Variants in GABRB2 observed in about 807,000 individuals in gnomAD.
GABRB2 encodes the protein gamma-aminobutyric acid receptor subunit beta-2.
GABRB2 carries 16 observed loss-of-function variants against 54.7 expected under a neutral mutation model. The ratio of observed to expected loss-of-function variants is 0.29; its 90% confidence interval spans 0.20 to 0.44. GABRB2 has a LOEUF of 0.44. Ranked by LOEUF, GABRB2 falls within the 20% of genes least tolerant of loss-of-function variation. The probability of loss-of-function intolerance (pLI) is 1.00; values close to 1 mark genes in which losing one functional copy is unlikely to be tolerated. For missense variants in GABRB2, 355 were observed against 644.0 expected (o/e 0.55, Z 4.86); for synonymous variants, 244 against 233.8 (o/e 1.04, Z -0.40).
intron 9 of GABRB2, among the ~76,000 whole-genome samples, chr5:161,299,342 C>T (rs540305301): frequency 6.6e-6 from 1 of 152,242 alleles, no homozygotes; most frequent in Non-Finnish European, 1.5e-5. Context: ...GGGCTCATGC[C>T]TTTTCTGAGC....
chr5:161,537,206 T>C (rs1760665076), intron 3 of GABRB2, among the ~76,000 whole-genome samples: 2 of 152,212 alleles, frequency 1.3e-5, no homozygotes, highest in South Asian at 2.1e-4. Context: ...CTATCTAAAA[T>C]ACGGGGCTCA....
rs898928697 is a variant in GABRB2 at position 161,415,805 on chromosome 5, G to T, written c.459-4748C>A. 1.8e-4 allele frequency among the ~76,000 whole-genome samples: 28 copies of T among 152,034 alleles called. 1 individual carries two copies. The highest frequency in any genetic ancestry group is 6.8e-4 in the African/African-American group (28 of 41,408). Reference sequence around the variant, plus strand: ...TTTTTGTATTTTTAGTAGAGATGGGGTTTCGCTATGTTGGCCAACCTGGTC... The same window carrying T: ...TTTTTGTATTTTTAGTAGAGATGGGTTTTCGCTATGTTGGCCAACCTGGTC... On this transcript the variant is annotated intron_variant, in intron 4 of 9. Coordinates refer to ENST00000393959, the MANE Select transcript of GABRB2 (RefSeq NM_001371727.1).
chr5:161,521,774 C>A (rs961812294), intron 3 of GABRB2, among the ~76,000 whole-genome samples: 4 of 151,874 alleles, frequency 2.6e-5, no homozygotes, highest in African/African-American at 4.8e-5. Context: ...CATATCTAAA[C>A]CAACTTATGG....
chr5:161,335,014 G>C, intron 6 of GABRB2, 110 bp from the exon 7 acceptor site: 2 of 1,063,374 alleles, frequency 1.9e-6, no homozygotes, highest in Non-Finnish European at 2.7e-6. Context: ...TTAGCTCTTA[G>C]TGAAGGACAC....
chr5:161,394,649 C>T lies in GABRB2; in HGVS notation c.541+16326G>A, dbSNP rs78352295. On this transcript the variant is annotated intron_variant, in intron 5 of 9. Coordinates refer to ENST00000393959, the MANE Select transcript of GABRB2 (RefSeq NM_001371727.1). Reference sequence around the variant, plus strand: ...AATGTACTAAACTAAATATGACATACGAAGAAACAGAAAGTCTGATCTTTT... The same window carrying T: ...AATGTACTAAACTAAATATGACATATGAAGAAACAGAAAGTCTGATCTTTT... Among the ~76,000 whole-genome samples, 812 of 151,958 alleles carry T rather than the reference C, an allele frequency of 5.3e-3. 6 individuals are homozygous for T. Among genetic ancestry groups the T allele is most frequent in the African/African-American group, 0.017 (703 of 41,492 alleles).
chr5:161,352,651 T>C (rs1754510282), intron 5 of GABRB2, among the ~76,000 whole-genome samples: 1 of 152,024 alleles, frequency 6.6e-6, no homozygotes, highest in East Asian at 1.9e-4. Flanking sequence ...GTAGCTATAG[T>C]TAATAACAAA....
rs1756501088 is a variant in GABRB2 at position 161,410,967 on chromosome 5, C to T, written c.541+8G>A. On this transcript the variant is annotated splice_region_variant and intron_variant, in intron 5 of 9. Coordinates refer to ENST00000393959, the MANE Select transcript of GABRB2 (RefSeq NM_001371727.1). ...GTCCAGTCTAGCTGGATTCTCAGAA[C>T]GACTTACAGCTCTCAATTTCCAAGG... is the stretch of plus-strand genomic sequence containing the variant. The T allele has an allele frequency of 4.4e-6, 7 of 1,608,688 alleles. No individual in the cohort carries two copies. Among genetic ancestry groups the T allele is most frequent in the East Asian group, 4.5e-5 (2 of 44,834 alleles).
At chr5:161,481,352 C>G (rs1337909814) in intron 3 of GABRB2, among the ~76,000 whole-genome samples, 1 of 152,026 alleles carries the variant, frequency 6.6e-6, no homozygotes, top group Non-Finnish European at 1.5e-5. Flanking sequence ...TCAGTACTTT[C>G]TCTTCAATAG....
chr5:161,313,386 G>A (rs72813508), intron 9 of GABRB2, among the ~76,000 whole-genome samples: 7,776 of 151,746 alleles, frequency 0.051, 331 homozygotes, highest in Middle Eastern at 0.068. Context: ...GTTTTTTTCA[G>A]ATGGAATGTA....
intron 3 of GABRB2, among the ~76,000 whole-genome samples, chr5:161,538,407 G>T (rs191072712): frequency 6.6e-6 from 1 of 152,188 alleles, no homozygotes; most frequent in African/African-American, 2.4e-5. Flanking sequence ...AACAAGTGAC[G>T]AAGGAACTTA....
intron 9 of GABRB2, among the ~76,000 whole-genome samples, chr5:161,314,291 G>A (rs1407462039): frequency 1.3e-5 from 2 of 152,214 alleles, no homozygotes; most frequent in African/African-American, 4.8e-5. Flanking sequence ...TCTGACTCAA[G>A]GCAGCATGCC....
At chr5:161,346,084 A>C (rs1484966802) in intron 5 of GABRB2, among the ~76,000 whole-genome samples, 1 of 152,140 alleles carries the variant, frequency 6.6e-6, no homozygotes, top group African/African-American at 2.4e-5. Flanking sequence ...GAGTCATCAA[A>C]AGAAAGGCAA....
chr5:161,311,848 G>A (rs985513573), intron 9 of GABRB2, among the ~76,000 whole-genome samples: 12 of 152,152 alleles, frequency 7.9e-5, no homozygotes, highest in East Asian at 1.9e-4. Context: ...GAAGAAGCAC[G>A]GGGCTAGATA....
In GABRB2 at chr5:161,518,463, A is replaced by T. The variant is rs145823690; in HGVS notation, c.237+26764T>A. Among the ~76,000 whole-genome samples the T allele has an allele frequency of 4.7e-4, 72 of 152,330 alleles. 1 individual carries two copies. The East Asian group carries it at 0.014, about 29-fold the overall frequency. On this transcript the variant is annotated intron_variant, in intron 3 of 9. Coordinates refer to ENST00000393959, the MANE Select transcript of GABRB2 (RefSeq NM_001371727.1). The stretch of plus-strand genomic sequence containing the variant: ...GTAATGTTTCTAATAGTAAATTAAA[A>T]TCTTCTGAATGTCCTTGACTTTTGT...
chr5:161,537,278 T>C (rs1034744396), intron 3 of GABRB2, among the ~76,000 whole-genome samples: 3 of 152,232 alleles, frequency 2.0e-5, no homozygotes, highest in African/African-American at 7.2e-5. Flanking sequence ...ATTCACAAAG[T>C]TAGAAGCACC....
chr5:161,293,878 T>C lies in GABRB2; in HGVS notation c.*203A>G, dbSNP rs767305593. The stretch of plus-strand genomic sequence containing the variant: ...GTGTAAAAATCACTTGCGTTTTAAC[T>C]GGAAAACCACAAGGACCTTAGTGTA... On this transcript the variant is annotated 3_prime_UTR_variant, in exon 10 of 10. Coordinates refer to ENST00000393959, the MANE Select transcript of GABRB2 (RefSeq NM_001371727.1). The C allele has an allele frequency of 4.0e-4, 223 of 556,410 alleles. No individual in the cohort carries two copies. Among genetic ancestry groups the C allele is most frequent in the Admixed American group, 3.1e-3 (98 of 31,310 alleles). 34.5% of individuals were successfully genotyped at this position (556,410 alleles called of 1,614,324 possible). A position where few individuals can be genotyped will look rare whatever the true frequency, so the allele number is the denominator to read the frequency against.
rs1402875797 is a variant in GABRB2 at position 161,429,357 on chromosome 5, A to AAAAAAAAAAAAAAAAT, written c.459-18301_459-18300insATTTTTTTTTTTTTTT. On this transcript the variant is annotated intron_variant, in intron 4 of 9. Coordinates refer to ENST00000393959, the MANE Select transcript of GABRB2 (RefSeq NM_001371727.1). ...CAAGAATCCGTCTCAAAAAAAAAAA[A>AAAAAAAAAAAAAAAAT]AGAAAAAGAAAAAAAAAGAAATCCT... Among the ~76,000 whole-genome samples the AAAAAAAAAAAAAAAAT allele has an allele frequency of 7.7e-3, 836 of 108,202 alleles. 31 individuals are homozygous for AAAAAAAAAAAAAAAAT. Among genetic ancestry groups the AAAAAAAAAAAAAAAAT allele is most frequent in the African/African-American group, 0.026 (800 of 30,200 alleles). The allele number at this position is 108,202 out of a possible 152,430, so 71.0% of individuals were successfully genotyped here.
intron 3 of GABRB2, among the ~76,000 whole-genome samples, chr5:161,484,538 A>C (rs745471078): frequency 9.9e-5 from 15 of 151,832 alleles, no homozygotes; most frequent in Non-Finnish European, 1.6e-4. Flanking sequence ...TCATCCTCCC[A>C]CCCTATTCCT....
At chr5:161,436,524 C>T (rs1411732260) in intron 4 of GABRB2, among the ~76,000 whole-genome samples, 7 of 138,678 alleles carry the variant, frequency 5.0e-5, no homozygotes, top group East Asian at 2.1e-4. Flanking sequence ...CAGAGCAAGA[C>T]GCTGTCGAAA....
Sources: allele counts gnomAD v4.1 joint callset (sites outside exome capture counted in the v4.1 genomes callset), GRCh38; gene constraint gnomAD v4.1.1; transcripts MANE v1.5; gene names NCBI Gene and HGNC (gene_info 2026-07-23, HGNC 2026-07-21).